GSTCD: variants seen among roughly 807,000 people sequenced by gnomAD.
GSTCD encodes the protein glutathione S-transferase C-terminal domain-containing protein.
Under a neutral mutation model 68.3 loss-of-function variants are expected in GSTCD, and 44 were observed. That is an observed-to-expected ratio of 0.64 (90% CI 0.51 to 0.83). The LOEUF (loss-of-function observed/expected upper bound fraction) is 0.83, where lower values mean the gene tolerates loss of function less well. GSTCD is among the 40% of genes least tolerant of loss of function. The pLI is 0.00. For synonymous variants in GSTCD, 273 were observed against 255.2 expected (o/e 1.07, Z -0.67); for missense variants, 739 against 735.9 (o/e 1.00, Z -0.05).
At chr4:105,831,933 T>C (rs988521285) in intron 8 of GSTCD, among the ~76,000 whole-genome samples, 3 of 152,104 alleles carry the variant, frequency 2.0e-5, no homozygotes, top group African/African-American at 7.2e-5. Flanking sequence ...CGAAACTGCA[T>C]CTCAAAAATA....
chr4:105,710,232 A>ATTTTTTTTTTTTTT lies in GSTCD; in HGVS notation c.-22+1226_-22+1239dup, dbSNP rs761574598. Among the ~76,000 whole-genome samples the ATTTTTTTTTTTTTT allele has an allele frequency of 3.5e-5, 3 of 85,686 alleles. 1 individual carries two copies. Among genetic ancestry groups the ATTTTTTTTTTTTTT allele is most frequent in the Admixed American group, 3.2e-4 (2 of 6,176 alleles). 56.2% of individuals were successfully genotyped at this position (85,686 alleles called of 152,430 possible). A position where few individuals can be genotyped will look rare whatever the true frequency, so the allele number is the denominator to read the frequency against. On this transcript the variant is annotated intron_variant, in intron 1 of 11. Coordinates refer to ENST00000515279, the MANE Select transcript of GSTCD (RefSeq NM_001370181.1). ...AGCTTCTGTAGTAGTGGGCCCATCA[A>ATTTTTTTTTTTTTT]TTTTTTTTTTTTTTTTTTTTTTTGA...
chr4:105,749,913 A>G (rs978390419), intron 5 of GSTCD, among the ~76,000 whole-genome samples: 1 of 152,182 alleles, frequency 6.6e-6, no homozygotes, highest in Non-Finnish European at 1.5e-5. Context: ...GCAAACCACA[A>G]ATATTCACAA....
chr4:105,786,540 A>G (rs1402500233), intron 5 of GSTCD, among the ~76,000 whole-genome samples: 2 of 152,032 alleles, frequency 1.3e-5, no homozygotes, highest in Admixed American at 6.5e-5. Context: ...TCCAAAAAAA[A>G]AAAAAAAAGA....
At chr4:105,787,082 A>G (rs1560828647) in intron 5 of GSTCD, among the ~76,000 whole-genome samples, 1 of 152,106 alleles carries the variant, frequency 6.6e-6, no homozygotes, top group African/African-American at 2.4e-5. Flanking sequence ...CAACAGTAAT[A>G]TATTTATGTA....
chr4:105,720,899 T>G (rs1354815970), intron 3 of GSTCD, among the ~76,000 whole-genome samples: 1 of 152,182 alleles, frequency 6.6e-6, no homozygotes, highest in African/African-American at 2.4e-5. Context: ...TTGAAGAAAT[T>G]TATTAAAATT....
At chr4:105,723,712 A>C (rs6827293) in intron 3 of GSTCD, among the ~76,000 whole-genome samples, 1 of 151,784 alleles carries the variant, frequency 6.6e-6, no homozygotes, top group South Asian at 2.1e-4. Context: ...TCTTTAAATA[A>C]TATGTAAAAA....
At chr4:105,834,764 T>A (rs532752089) in intron 9 of GSTCD, among the ~76,000 whole-genome samples, 170 bp downstream of exon 9, 1 of 152,214 alleles carries the variant, frequency 6.6e-6, no homozygotes, top group Non-Finnish European at 1.5e-5. Context: ...TTTATGTTTG[T>A]CCCTGATTTT....
intron 10 of GSTCD, among the ~76,000 whole-genome samples, chr4:105,839,646 AAGAGAG>A (rs147101146): frequency 1.3e-5 from 2 of 150,888 alleles, no homozygotes; most frequent in East Asian, 1.9e-4. Context: ...GTCTCAAGAA[AAGAGAG>A]AGAGAGAGAG....
At chr4:105,835,219 G>C (rs183995481) in intron 9 of GSTCD, among the ~76,000 whole-genome samples, 4 of 152,172 alleles carry the variant, frequency 2.6e-5, no homozygotes, top group Admixed American at 6.5e-5. Flanking sequence ...GGTTGGTGGA[G>C]CGTTTGCCTG....
At chr4:105,820,664 T>C (rs967359860) in intron 5 of GSTCD, 1 of 151,910 alleles carries the variant, frequency 6.6e-6, no homozygotes, top group Admixed American at 6.6e-5. Flanking sequence ...CTGAGCACCA[T>C]GCTGCTGTAT....
chr4:105,756,820 C>A (rs893613608), intron 5 of GSTCD, among the ~76,000 whole-genome samples: 3 of 151,948 alleles, frequency 2.0e-5, no homozygotes, highest in Non-Finnish European at 4.4e-5. Context: ...ATTTGAGGTA[C>A]CTCGTGAGAG....
intron 11 of GSTCD, among the ~76,000 whole-genome samples, chr4:105,842,763 A>G (rs1724407553): frequency 6.6e-6 from 1 of 152,228 alleles, no homozygotes; most frequent in Admixed American, 6.5e-5. Context: ...ATTCTTACAA[A>G]TATACATATG....
intron 3 of GSTCD, among the ~76,000 whole-genome samples, chr4:105,720,342 T>G (rs1732822272): frequency 6.6e-6 from 1 of 152,180 alleles, no homozygotes; most frequent in Admixed American, 6.5e-5. Context: ...TTTGTTTGGG[T>G]TTTTTTCTTG....
In GSTCD at chr4:105,713,701, T is replaced by C. The variant is rs1402413471; in HGVS notation, c.-21-3892T>C. Among the ~76,000 whole-genome samples the C allele has an allele frequency of 1.3e-5, 2 of 152,102 alleles. 1 individual carries two copies. Among genetic ancestry groups the C allele is most frequent in the East Asian group, 3.8e-4 (2 of 5,198 alleles). ...TAAAATGTATGTAATATTTAAAACT[T>C]TATTTACCTAACATTTGTTGAGCTC... is the stretch of plus-strand genomic sequence containing the variant. On this transcript the variant is annotated intron_variant, in intron 1 of 11. Transcript: ENST00000515279.
Position 105,797,760 on chromosome 4 carries a change from CTTTTTTTTTTTTTTTTTTTTTTTTTT to C in GSTCD, c.1241-25187_1241-25162del, listed in dbSNP as rs70941218. On this transcript the variant is annotated intron_variant, in intron 5 of 11. Transcript: ENST00000515279. ...TGATAGCATTTTACACACAATAGAA[CTTTTTTTTTTTTTTTTTTTTTTTTTT>C]TTTTTTGAGACAGAGTCTTGCCCTA... Among the ~76,000 whole-genome samples the C allele has an allele frequency of 3.5e-5, 3 of 84,952 alleles. 1 individual carries two copies. Among genetic ancestry groups the C allele is most frequent in the African/African-American group, 1.4e-4 (3 of 21,060 alleles). 55.7% of individuals were successfully genotyped at this position (84,952 alleles called of 152,430 possible). A position where few individuals can be genotyped will look rare whatever the true frequency, so the allele number is the denominator to read the frequency against.
Position 105,782,774 on chromosome 4 carries a change from G to A in GSTCD, c.1241-40180G>A, listed in dbSNP as rs529838765. The stretch of plus-strand genomic sequence containing the variant: ...ATTTTTGTATTTATAATAGAGACGG[G>A]GTTTCACCATGTTGCTCGGGCTTAC... On this transcript the variant is annotated intron_variant, in intron 5 of 11. Transcript: ENST00000515279. Among the ~76,000 whole-genome samples the A allele has an allele frequency of 2.3e-4, 35 of 151,862 alleles. 1 individual carries two copies. Among genetic ancestry groups the A allele is most frequent in the South Asian group, 2.1e-3 (10 of 4,792 alleles).
chr4:105,770,770 C>G (rs1734813695), intron 5 of GSTCD, among the ~76,000 whole-genome samples: 1 of 152,080 alleles, frequency 6.6e-6, no homozygotes, highest in Non-Finnish European at 1.5e-5. Context: ...TCCAGTCTAT[C>G]ATTGATGGCC....
At chr4:105,714,638 T>C (rs1396924800) in intron 1 of GSTCD, among the ~76,000 whole-genome samples, 1 of 95,948 alleles carries the variant, frequency 1.0e-5, no homozygotes, top group Non-Finnish European at 2.1e-5. Flanking sequence ...AGGAGAGTAA[T>C]TTTTTTTTTT....
At chr4:105,781,411 C>A (rs1447833449) in intron 5 of GSTCD, among the ~76,000 whole-genome samples, 2 of 141,480 alleles carry the variant, frequency 1.4e-5, no homozygotes, top group Non-Finnish European at 3.1e-5. Context: ...TCATGCTCAG[C>A]TTTTTTTTTT....
Sources: gnomAD v4.1 joint callset for allele counts (sites outside exome capture counted in the v4.1 genomes callset) on GRCh38, gnomAD v4.1.1 for gene constraint, MANE v1.5 for transcripts, NCBI Gene and HGNC (gene_info 2026-07-23, HGNC 2026-07-21) for gene names.